The following NCK1 variants were observed in gnomAD, a reference collection of about 807,000 sequenced individuals.
NCK1 encodes SH2/SH3 adapter protein NCK1.
In NCK1, 19 loss-of-function variants were observed where a neutral mutation model predicts 36.6. That is an observed-to-expected ratio of 0.52 (90% CI 0.36 to 0.76). The LOEUF is 0.76. Among genes scored for constraint, NCK1 ranks in the 30% least tolerant of loss-of-function variants. The pLI is 0.00. For missense variants in NCK1, 358 were observed against 445.6 expected (o/e 0.80, Z 1.77); for synonymous variants, 165 against 156.0 (o/e 1.06, Z -0.43).
intron 2 of NCK1, among the ~76,000 whole-genome samples, chr3:136,939,702 C>G (rs1940620095): frequency 6.6e-6 from 1 of 151,814 alleles, no homozygotes; most frequent in African/African-American, 2.4e-5. Flanking sequence ...TCTTGGTGAC[C>G]TATTGGTTTA....
intron 1 of NCK1, among the ~76,000 whole-genome samples, chr3:136,878,825 G>A (rs1938848891): frequency 6.6e-6 from 1 of 152,084 alleles, no homozygotes; most frequent in Admixed American, 6.6e-5. Context: ...CTGAGGGTGG[G>A]CCCTAGACAC....
chr3:136,886,173 A>G (rs1034527602), intron 1 of NCK1, among the ~76,000 whole-genome samples: 1 of 152,196 alleles, frequency 6.6e-6, no homozygotes, highest in Non-Finnish European at 1.5e-5. Flanking sequence ...TATTAACACT[A>G]ATTTCTTAGA....
chr3:136,918,437 T>A (rs1940019674), intron 1 of NCK1, among the ~76,000 whole-genome samples: 1 of 152,176 alleles, frequency 6.6e-6, no homozygotes. Context: ...ACAAGTAATC[T>A]AGAGATGACT....
At chr3:136,899,217 G>A (rs913301535) in intron 1 of NCK1, 1 of 252,596 alleles carries the variant, frequency 4.0e-6, no homozygotes, top group Admixed American at 4.3e-5. Context: ...GAACCATTTA[G>A]GTCTCTTGCT....
At position 136,948,702 on chromosome 3, in the gene NCK1, C is replaced by CT; in HGVS notation, c.*251dup. 1 of 272,314 alleles carries CT rather than the reference C, an allele frequency of 3.7e-6. No individual in the cohort carries two copies. The highest frequency in any genetic ancestry group is 2.2e-5 in the African/African-American group (1 of 45,786). 16.9% of individuals were successfully genotyped at this position (272,314 alleles called of 1,614,324 possible). A position where few individuals can be genotyped will look rare whatever the true frequency, so the allele number is the denominator to read the frequency against. On this transcript the variant is annotated 3_prime_UTR_variant, in exon 4 of 4. Coordinates refer to ENST00000481752, the MANE Select transcript of NCK1 (RefSeq NM_001291999.2). ...TTTTTTCTTTGCTGTTTTCCCTTTG[C>CT]TTCTAATATTACAGTTTTGTATTTT...
At chr3:136,905,093 A>G (rs569052527) in intron 1 of NCK1, among the ~76,000 whole-genome samples, 1 of 151,118 alleles carries the variant, frequency 6.6e-6, no homozygotes, top group East Asian at 1.9e-4. Context: ...GCTAACTGCA[A>G]CCTTCACCTC....
At chr3:136,928,538 A>G (rs1008546993) in intron 2 of NCK1, 2 of 280,090 alleles carry the variant, frequency 7.1e-6, no homozygotes, top group African/African-American at 4.4e-5. Context: ...TATAGGCAGA[A>G]TTGCCTCTTT....
chr3:136,928,188 C>G lies in NCK1; in HGVS notation c.187C>G (p.Arg63Gly), dbSNP rs1438631551. The change falls in exon 2 of 4, where the codon CGG (arginine) becomes GGG (glycine). Residue 63 changes from arginine (R) to glycine (G), a missense_variant. By Grantham distance (125) the Arg-to-Gly change is moderately radical (BLOSUM62 -2). This residue lies in a region of NCK1 where 143 missense variants were observed against 162.4 expected (regional missense o/e 0.88). Coordinates refer to ENST00000481752, the MANE Select transcript of NCK1 (RefSeq NM_001291999.2). ...SNYVERKNSA[R>G]KASIVKNLKD... ...CTATGTGGAAAGGAAAAACAGTGCTCGGAAAGCATCTATTGTGAAAAACCT... is the reference window on the plus strand; with the variant it reads ...CTATGTGGAAAGGAAAAACAGTGCTGGGAAAGCATCTATTGTGAAAAACCT... The G allele has an allele frequency of 6.2e-7, 1 of 1,613,962 alleles. No individual in the cohort carries two copies. The highest frequency in any genetic ancestry group is 8.5e-7 in the Non-Finnish European group (1 of 1,180,002).
intron 2 of NCK1, 31 bp from the exon 3 acceptor site, chr3:136,945,552 C>T (rs1227363306): frequency 7.4e-7 from 1 of 1,350,690 alleles, no homozygotes; most frequent in Non-Finnish European, 1.0e-6. Context: ...TTTTTATATT[C>T]TCCTCTCATG....
chr3:136,886,537 CT>C (rs578010248), intron 1 of NCK1, among the ~76,000 whole-genome samples: 7 of 148,484 alleles, frequency 4.7e-5, no homozygotes, highest in Non-Finnish European at 7.5e-5. Flanking sequence ...AGTACAGGTG[CT>C]TTTTTTTTTC....
At chr3:136,869,209 C>T (rs528137121) in intron 1 of NCK1, among the ~76,000 whole-genome samples, 17 of 151,136 alleles carry the variant, frequency 1.1e-4, no homozygotes, top group African/African-American at 2.2e-4. Context: ...CATTCCACTC[C>T]GGCCTGGGTA....
chr3:136,890,148 G>T (rs1939198690), intron 1 of NCK1, among the ~76,000 whole-genome samples: 1 of 152,204 alleles, frequency 6.6e-6, no homozygotes, highest in Non-Finnish European at 1.5e-5. Context: ...GCCCCACGGG[G>T]AGGCAGCTGA....
intron 2 of NCK1, among the ~76,000 whole-genome samples, chr3:136,929,849 A>G (rs1940348181): frequency 6.6e-6 from 1 of 152,200 alleles, no homozygotes; most frequent in African/African-American, 2.4e-5. Context: ...GTATTACTGT[A>G]TGTAAATCTA....
intron 1 of NCK1, among the ~76,000 whole-genome samples, chr3:136,912,865 T>C (rs918625694): frequency 1.4e-4 from 3 of 21,986 alleles, no homozygotes; most frequent in African/African-American, 4.5e-4. Context: ...TTTCCCAAAC[T>C]GGTCTTGGTC....
chr3:136,934,307 A>T (rs1186232286), intron 2 of NCK1, among the ~76,000 whole-genome samples: 1 of 151,658 alleles, frequency 6.6e-6, no homozygotes, highest in Non-Finnish European at 1.5e-5. Flanking sequence ...TTTTTCTGAG[A>T]CCAAGTCTCA....
At position 136,946,744 on chromosome 3, in the gene NCK1, A is replaced by T. The variant is rs147310821; in HGVS notation, c.939+449A>T. 2.9e-3 allele frequency among the ~76,000 whole-genome samples: 436 copies of T among 152,320 alleles called. 3 individuals carry two copies. Among genetic ancestry groups the T allele is most frequent in the African/African-American group, 0.01 (417 of 41,578 alleles). On this transcript the variant is annotated intron_variant, in intron 3 of 3. Coordinates refer to ENST00000481752, the MANE Select transcript of NCK1 (RefSeq NM_001291999.2). ...CCCTGAATTTAAAAAATTGATATTA[A>T]GTTTCTTCATAAATTGGTTACTTGG...
At chr3:136,863,133 C>T (rs991711036) in intron 1 of NCK1, among the ~76,000 whole-genome samples, 2 of 151,880 alleles carry the variant, frequency 1.3e-5, no homozygotes, top group Admixed American at 6.6e-5. Flanking sequence ...CTGATGGACC[C>T]GGAGTCACCT....
intron 2 of NCK1, among the ~76,000 whole-genome samples, chr3:136,944,099 A>G (rs1940744022): frequency 6.8e-6 from 1 of 146,424 alleles, no homozygotes; most frequent in Admixed American, 7.3e-5. Flanking sequence ...GTCGAGGGAA[A>G]AGGAAAAACA....
chr3:136,872,071 C>T (rs1344654431), intron 1 of NCK1, among the ~76,000 whole-genome samples: 3 of 152,058 alleles, frequency 2.0e-5, no homozygotes, highest in Non-Finnish European at 2.9e-5. Context: ...AAAAGATACC[C>T]GAAAATGTGG....
Sources: gnomAD v4.1 joint callset for allele counts (sites outside exome capture counted in the v4.1 genomes callset) on GRCh38, gnomAD v4.1.1 for gene constraint, gnomAD v4.1.1 regional missense constraint, MANE v1.5 for transcripts, NCBI Gene and HGNC (gene_info 2026-07-23, HGNC 2026-07-21) for gene names.